Variants in FBXL2 observed in about 807,000 individuals in gnomAD.
FBXL2 encodes the protein F-box/LRR-repeat protein 2.
In FBXL2, 38 loss-of-function variants were observed where a neutral mutation model predicts 69.2. The ratio of observed to expected loss-of-function variants is 0.55; its 90% CI spans 0.42 to 0.72. The LOEUF is 0.72. Among genes scored for constraint, FBXL2 ranks in the 30% least tolerant of loss-of-function variants. The pLI is 0.00. For missense variants in FBXL2, 354 were observed against 520.3 expected, an observed-to-expected ratio of 0.68 and a Z score of 3.11; for synonymous variants, 192 against 201.3, an observed-to-expected ratio of 0.95 and a Z score of 0.39.
chr3:33,370,533 G>C (rs1575374086), intron 5 of FBXL2, among the ~76,000 whole-genome samples: 1 of 152,090 alleles, frequency 6.6e-6, no homozygotes, highest in South Asian at 2.1e-4. Flanking sequence ...TGATAAATCT[G>C]CTGTCACCCT....
At chr3:33,278,517 G>A (rs967287617) in intron 1 of FBXL2, 4 of 152,214 alleles carry the variant, frequency 2.6e-5, no homozygotes, top group African/African-American at 9.7e-5. Context: ...GAGAATGCAG[G>A]GTGCTCCCCG....
At chr3:33,292,180 GA>G (rs1421328659) in intron 1 of FBXL2, among the ~76,000 whole-genome samples, 1 of 152,156 alleles carries the variant, frequency 6.6e-6, no homozygotes, top group Non-Finnish European at 1.5e-5. Context: ...AGGAGTTTGA[GA>G]CCAGCCTGGC....
At chr3:33,412,394 C>T in the FBXL2 span, among the ~76,000 whole-genome samples, 9 of 151,320 alleles carry the variant, frequency 5.9e-5, no homozygotes, top group Non-Finnish European at 1.0e-4. Context: ...TATGTGTGTG[C>T]GTATGTATAT....
intron 2 of FBXL2, chr3:33,317,342 A>G: frequency 2.5e-6 from 1 of 397,756 alleles, no homozygotes; most frequent in South Asian, 1.9e-5. Flanking sequence ...GAAAACCCAA[A>G]TCCCATTCAT....
At chr3:33,296,310 C>T (rs1331617916) in intron 1 of FBXL2, among the ~76,000 whole-genome samples, 1 of 152,194 alleles carries the variant, frequency 6.6e-6, no homozygotes. Context: ...AAGCTATCCA[C>T]CTGCCTTGGC....
intron 2 of FBXL2, among the ~76,000 whole-genome samples, chr3:33,348,704 C>G (rs1392296002): frequency 1.3e-5 from 2 of 151,950 alleles, no homozygotes; most frequent in East Asian, 3.9e-4. Flanking sequence ...GTGACAACAA[C>G]AAAACAAAAC....
the FBXL2 span, among the ~76,000 whole-genome samples, chr3:33,415,177 G>A: frequency 6.6e-6 from 1 of 152,170 alleles, no homozygotes; most frequent in African/African-American, 2.4e-5. Flanking sequence ...TCACCTATCA[G>A]ACTAATTATT....
chr3:33,408,604 GC>G, downstream of FBXL2: 3 of 1,072,236 alleles, frequency 2.8e-6, no homozygotes, highest in Non-Finnish European at 3.9e-6. Flanking sequence ...AACAATTTTG[GC>G]TTTACTTTGC....
intron 2 of FBXL2, among the ~76,000 whole-genome samples, chr3:33,299,391 A>C (rs916672265): frequency 7.2e-5 from 11 of 152,180 alleles, no homozygotes; most frequent in Non-Finnish European, 1.5e-4. Flanking sequence ...GCTGACATAC[A>C]ATAAGAGATT....
intron 2 of FBXL2, chr3:33,317,594 G>T (rs894022717): frequency 2.2e-6 from 1 of 447,990 alleles, no homozygotes; most frequent in Non-Finnish European, 4.5e-6. Flanking sequence ...TATGAAGCCC[G>T]CCTTATCCTA....
chr3:33,397,561 T>C (rs1434848209), intron 12 of FBXL2: 1 of 152,810 alleles, frequency 6.5e-6, no homozygotes, highest in South Asian at 2.1e-4. Flanking sequence ...AGTCCAGAGT[T>C]TGTGGGACTT....
At chr3:33,317,689 A>G (rs1279306237) in intron 2 of FBXL2, 2 of 338,764 alleles carry the variant, frequency 5.9e-6, no homozygotes, top group Non-Finnish European at 1.2e-5. Context: ...GGTCTTGGTG[A>G]CTTTTAACTC....
chr3:33,392,888 G>A (rs758252792), downstream of FBXL2: 16 of 379,898 alleles, frequency 4.2e-5, no homozygotes, highest in South Asian at 4.0e-4. Context: ...ATGATGACTC[G>A]AACAAAAATT....
At chr3:33,349,929 C>A (rs536141683) in intron 2 of FBXL2, among the ~76,000 whole-genome samples, 1 of 152,068 alleles carries the variant, frequency 6.6e-6, no homozygotes, top group Admixed American at 6.6e-5. Context: ...AAGCACCAGA[C>A]CCGGATGGTG....
At chr3:33,390,531 C>T, downstream of FBXL2, 1 of 719,656 alleles carries the variant, frequency 1.4e-6, no homozygotes. Flanking sequence ...CTCCTCTTCC[C>T]CCAAAAAACT....
At chr3:33,305,818 T>G (rs1184014608) in intron 2 of FBXL2, among the ~76,000 whole-genome samples, 1 of 151,932 alleles carries the variant, frequency 6.6e-6, no homozygotes, top group Admixed American at 6.6e-5. Context: ...GAGTTTTACA[T>G]TGGTAAAACT....
At chr3:33,390,009 G>C, downstream of FBXL2, 1 of 311,738 alleles carries the variant, frequency 3.2e-6, no homozygotes, top group Non-Finnish European at 5.9e-6. Context: ...ACCGCATACA[G>C]TGTAAAAAGA....
chr3:33,383,785 A>G (rs1157672239), intron 13 of FBXL2: 10 of 565,300 alleles, frequency 1.8e-5, no homozygotes, highest in East Asian at 1.5e-4. Context: ...TTGTGCTGCT[A>G]CTACAGACTG....
At chr3:33,366,175 A>G (rs2041941649) in intron 5 of FBXL2, among the ~76,000 whole-genome samples, 1 of 152,218 alleles carries the variant, frequency 6.6e-6, no homozygotes, top group Non-Finnish European at 1.5e-5. Flanking sequence ...ACTCATATAA[A>G]GCACACTTGA....
Sources: allele counts gnomAD v4.1 joint callset (sites outside exome capture counted in the v4.1 genomes callset), GRCh38; gene constraint gnomAD v4.1.1; transcripts MANE v1.5; gene names NCBI Gene and HGNC (gene_info 2026-07-23, HGNC 2026-07-21).